Variants in ZMYM2 observed in about 807,000 individuals in gnomAD.
ZMYM2 encodes zinc finger MYM-type protein 2.
A neutral mutation model predicts 162.8 loss-of-function variants in ZMYM2; 56 were observed. The ratio of observed to expected loss-of-function variants is 0.34; its 90% CI spans 0.28 to 0.43. The LOEUF (loss-of-function observed/expected upper bound fraction) is 0.43. ZMYM2 is among the 20% of genes least tolerant of loss of function. The pLI is 1.00. For synonymous variants in ZMYM2, 510 were observed against 541.6 expected (o/e 0.94, Z 0.81); for missense variants, 1,275 against 1,621.8 (o/e 0.79, Z 3.67).
At chr13:19,876,979 C>T in the ZMYM2 span, among the ~76,000 whole-genome samples, 1 of 152,068 alleles carries the variant, frequency 6.6e-6, no homozygotes, top group Admixed American at 6.5e-5. Flanking sequence ...AATCCCAGCA[C>T]TTTGGGAGGC....
the ZMYM2 span, among the ~76,000 whole-genome samples, chr13:19,900,486 G>A: frequency 6.6e-6 from 1 of 151,970 alleles, no homozygotes; most frequent in East Asian, 1.9e-4. Flanking sequence ...ATGGGTTCAC[G>A]GGTAAATTCT....
chr13:20,015,745 G>C (rs902821376), intron 6 of ZMYM2, among the ~76,000 whole-genome samples: 9 of 152,140 alleles, frequency 5.9e-5, no homozygotes, highest in African/African-American at 2.2e-4. Context: ...TGTCTCTTGT[G>C]TCAGTTTTTC....
intron 2 of ZMYM2, among the ~76,000 whole-genome samples, chr13:19,977,944 T>C (rs1025158179): frequency 2.0e-5 from 3 of 150,694 alleles, no homozygotes; most frequent in Admixed American, 2.0e-4. Context: ...TGGCACAATC[T>C]CGGCTCACTG....
At chr13:19,922,662 G>C in the ZMYM2 span, among the ~76,000 whole-genome samples, 1 of 151,884 alleles carries the variant, frequency 6.6e-6, no homozygotes, top group East Asian at 2.0e-4. Context: ...GGCTAACACG[G>C]TGAAACCCCG....
rs932124185 is a variant in ZMYM2, at chr13:20,037,053, G to T, written c.2292+144G>T. On this transcript the variant is annotated intron_variant, in intron 12 of 24. Coordinates refer to ENST00000610343, the MANE Select transcript of ZMYM2 (RefSeq NM_197968.4). ...CCTGATAATACTATTCATTAAAATT[G>T]TCTTGTCATTTCTGCTTGTTTGAAG... 36 of 693,678 alleles carry T rather than the reference G, an allele frequency of 5.2e-5. No homozygotes were observed. In the African/African-American group the frequency reaches 6.5e-4, roughly 13 times the overall value. 43.0% of individuals were successfully genotyped at this position (693,678 alleles called of 1,614,324 possible).
At chr13:20,026,789 A>G in intron 8 of ZMYM2, 27 bp downstream of exon 8, 1 of 1,562,464 alleles carries the variant, frequency 6.4e-7, no homozygotes, top group Non-Finnish European at 8.6e-7. Flanking sequence ...TGGACAGTTA[A>G]AAAAACTTTA....
rs745443971 is a variant in ZMYM2, at chr13:20,061,114, T to C, written c.2801T>C (p.Ile934Thr). 7 of 1,612,842 alleles carry C rather than the reference T, an allele frequency of 4.3e-6. No individual in the cohort carries two copies. The highest frequency in any genetic ancestry group is 1.3e-5 in the African/African-American group (1 of 74,918). The part of the protein sequence containing the change: ...LDSSEKIPAA[I>T]EELKSKVSSD... ...AGCAGTGAGAAGATTCCTGCAGCAA[T>C]TGAGGAGCTAAAAAGCAAGGTTTCT... The change falls in exon 17 of 25, where the codon ATT becomes ACT. Residue 934 changes from isoleucine (I) to threonine (T), a missense_variant. Around this residue, in one of 10 missense-constraint regions of ZMYM2, gnomAD observed 229 missense variants for 283.8 expected, o/e 0.81. Transcript: ENST00000610343.
At chr13:20,030,044 C>T (rs1952944257) in intron 9 of ZMYM2, among the ~76,000 whole-genome samples, 1 of 152,044 alleles carries the variant, frequency 6.6e-6, no homozygotes, top group Admixed American at 6.5e-5. Flanking sequence ...ATCCGCCTGC[C>T]TCTGCCTCCC....
At chr13:19,969,998 T>C in intron 2 of ZMYM2, 1 of 982,412 alleles carries the variant, frequency 1.0e-6, no homozygotes, top group African/African-American at 1.7e-5. Flanking sequence ...CATTTGCTTA[T>C]TGATGCAAGT....
the ZMYM2 span, among the ~76,000 whole-genome samples, chr13:19,878,464 T>C: frequency 1.3e-5 from 2 of 152,130 alleles, no homozygotes; most frequent in Non-Finnish European, 2.9e-5. Context: ...TTTCATGTGC[T>C]TACTGGCATT....
chr13:19,950,316 T>C, the ZMYM2 span, among the ~76,000 whole-genome samples: 1 of 152,234 alleles, frequency 6.6e-6, no homozygotes, highest in African/African-American at 2.4e-5. Flanking sequence ...CTGCTTAATT[T>C]TAGATTTTAA....
chr13:19,926,629 G>A, the ZMYM2 span, among the ~76,000 whole-genome samples: 3 of 152,188 alleles, frequency 2.0e-5, no homozygotes, highest in East Asian at 1.9e-4. Context: ...CTCCCAAAGC[G>A]CTGGGATTAC....
Position 19,981,302 on chromosome 13 carries a change from C to CAA in ZMYM2, c.-10-11751_-10-11750dup, listed in dbSNP as rs370355968. On this transcript the variant is annotated intron_variant, in intron 2 of 24. Coordinates refer to ENST00000610343, the MANE Select transcript of ZMYM2 (RefSeq NM_197968.4). ...ACAGAAAAAACAAAAAACAAACAAA[C>CAA]AAAAAAAAAAACAAAAAACAAACCC... 1.4e-3 allele frequency among the ~76,000 whole-genome samples: 168 copies of CAA among 123,890 alleles called. 1 individual carries two copies. The Middle Eastern group carries it at 0.02, about 15-fold the overall frequency. The allele number at this position is 123,890 out of a possible 152,430, so 81.3% of individuals were successfully genotyped here. A position where few individuals can be genotyped will look rare whatever the true frequency, so the allele number is the denominator to read the frequency against.
At chr13:19,894,849 G>A in the ZMYM2 span, among the ~76,000 whole-genome samples, 4 of 151,656 alleles carry the variant, frequency 2.6e-5, 1 homozygote, top group African/African-American at 9.7e-5. Flanking sequence ...CTAGCACTTC[G>A]GGAGGCTGAG....
At chr13:20,048,714 A>G (rs1194056758) in intron 12 of ZMYM2, among the ~76,000 whole-genome samples, 1 of 151,782 alleles carries the variant, frequency 6.6e-6, no homozygotes, top group East Asian at 1.9e-4. Flanking sequence ...TTGAAAATGA[A>G]ATTTCTGTTT....
chr13:19,988,000 C>CT (rs1185818875), intron 2 of ZMYM2, among the ~76,000 whole-genome samples: 6 of 152,234 alleles, frequency 3.9e-5, no homozygotes, highest in Non-Finnish European at 8.8e-5. Flanking sequence ...ACACACAGCT[C>CT]TTTCTCTGAG....
intron 15 of ZMYM2, 188 bp downstream of exon 15, chr13:20,058,892 TC>T (rs1416122733): frequency 1.2e-6 from 1 of 804,032 alleles, no homozygotes; most frequent in Non-Finnish European, 2.1e-6. Flanking sequence ...ATCATTATGA[TC>T]AATCTCTGAT....
the ZMYM2 span, among the ~76,000 whole-genome samples, chr13:19,909,301 T>C: frequency 2.6e-5 from 4 of 152,178 alleles, no homozygotes. Flanking sequence ...GCCACTGGAA[T>C]TCAGTGATGA....
chr13:19,932,191 A>G, the ZMYM2 span, among the ~76,000 whole-genome samples: 1 of 152,160 alleles, frequency 6.6e-6, no homozygotes, highest in African/African-American at 2.4e-5. Context: ...CATCTCTCTG[A>G]TATCTTAGTG....
Sources: gnomAD v4.1 joint callset for allele counts (sites outside exome capture counted in the v4.1 genomes callset) on GRCh38, gnomAD v4.1.1 for gene constraint, gnomAD v4.1.1 regional missense constraint, MANE v1.5 for transcripts, NCBI Gene and HGNC (gene_info 2026-07-23, HGNC 2026-07-21) for gene names.